The following CGREF1 variants were observed in gnomAD, a reference collection of about 807,000 sequenced individuals.
CGREF1 encodes the protein cell growth regulator with EF-hand domain 1.
A neutral mutation model predicts 17.4 loss-of-function variants in CGREF1; 16 were observed. The observed-to-expected ratio is 0.92, with a 90% CI of 0.62 to 1.40. The LOEUF (loss-of-function observed/expected upper bound fraction) is 1.40, where lower values mean the gene tolerates loss of function less well. Ranked by LOEUF, CGREF1 falls within the 40% of genes most tolerant of loss-of-function variation. The probability of loss-of-function intolerance (pLI) is 0.00; values close to 1 mark genes in which losing one functional copy is unlikely to be tolerated. For missense variants in CGREF1, 296 were observed against 376.4 expected, an observed-to-expected ratio of 0.79 and a Z score of 1.77; for synonymous variants, 142 against 154.6, an observed-to-expected ratio of 0.92 and a Z score of 0.61.
At chr2:27,115,810 C>T (rs1296723635) in intron 1 of CGREF1, among the ~76,000 whole-genome samples, 1 of 152,340 alleles carries the variant, frequency 6.6e-6, no homozygotes, top group East Asian at 1.9e-4. Flanking sequence ...TCCTAAAATA[C>T]TTTCCACTTT....
downstream of CGREF1, chr2:27,100,303 G>A (rs897384884): frequency 4.2e-5 from 24 of 570,350 alleles, no homozygotes; most frequent in African/African-American, 4.6e-4. Flanking sequence ...GGGCAGGGGT[G>A]CGCCTCCTCT....
intron 1 of CGREF1, among the ~76,000 whole-genome samples, chr2:27,109,386 A>AT (rs1491441733): frequency 6.7e-6 from 1 of 150,026 alleles, no homozygotes; most frequent in Non-Finnish European, 1.5e-5. Flanking sequence ...AAAAAAAAAA[A>AT]GGGTTTGAAA....
At chr2:27,114,803 C>T (rs1484102991) in intron 1 of CGREF1, among the ~76,000 whole-genome samples, 1 of 152,182 alleles carries the variant, frequency 6.6e-6, no homozygotes, top group Non-Finnish European at 1.5e-5. Flanking sequence ...TAATTCTAAC[C>T]CCCAGCCTCT....
At chr2:27,100,028 C>A (rs558568942), downstream of CGREF1, 4 of 659,248 alleles carry the variant, frequency 6.1e-6, no homozygotes, top group Non-Finnish European at 1.1e-5. Context: ...TCTGACTCTT[C>A]GATCCTCCCT....
At chr2:27,104,029 G>A (rs1373715776) in intron 2 of CGREF1, among the ~76,000 whole-genome samples, 18 of 152,048 alleles carry the variant, frequency 1.2e-4, no homozygotes, top group Admixed American at 9.2e-4. Flanking sequence ...CTTCTCTGGC[G>A]CCACAGCTTC....
chr2:27,104,127 C>T (rs555984093), intron 2 of CGREF1, among the ~76,000 whole-genome samples, 160 bp downstream of exon 2: 1 of 152,302 alleles, frequency 6.6e-6, no homozygotes, highest in Non-Finnish European at 1.5e-5. Context: ...CTTTGTGGCA[C>T]TCTGACAGGC....
Position 27,107,933 on chromosome 2 carries a change from C to CAAA in CGREF1, c.-11-3559_-11-3557dup, listed in dbSNP as rs143132359. On this transcript the variant is annotated intron_variant, in intron 1 of 5. Coordinates refer to ENST00000402394, the MANE Select transcript of CGREF1 (RefSeq NM_006569.6). ...TGGGCCACAGAGCGAGACTCTGTCT[C>CAAA]AAAAAAAAAAAAAAAAAGAAAGAAA... Among the ~76,000 whole-genome samples, 31 of 95,782 alleles carry CAAA rather than the reference C, an allele frequency of 3.2e-4. 1 individual carries two copies. Among genetic ancestry groups the CAAA allele is most frequent in the African/African-American group, 4.0e-4 (10 of 25,028 alleles). 62.8% of individuals were successfully genotyped at this position (95,782 alleles called of 152,430 possible).
Position 27,100,688 on chromosome 2 carries a change from C to G in CGREF1, c.*586G>C, listed in dbSNP as rs1310289302. ...AATTTCTTCATCTGTCAAATGGAAC[C>G]AATTCTGCTTGGCTACAGAATTATT... is the stretch of plus-strand genomic sequence containing the variant. On this transcript the variant is annotated 3_prime_UTR_variant, in exon 6 of 6. Transcript: ENST00000402394. The G allele has an allele frequency of 1.8e-6, 2 of 1,086,358 alleles. No individual in the cohort carries two copies. Among genetic ancestry groups the G allele is most frequent in the East Asian group, 6.0e-5 (1 of 16,650 alleles). 67.3% of individuals were successfully genotyped at this position (1,086,358 alleles called of 1,614,324 possible).
In CGREF1 at chr2:27,100,959, C is replaced by A; in HGVS notation, c.*315G>T. On this transcript the variant is annotated 3_prime_UTR_variant, in exon 6 of 6. Transcript: ENST00000402394. Reference sequence around the variant, plus strand: ...TGGCTAGCACCATGCGCTCTGCTGCCGGAGCACCGTGAGGCCCAGAAACAC... The same window carrying A: ...TGGCTAGCACCATGCGCTCTGCTGCAGGAGCACCGTGAGGCCCAGAAACAC... 8.7e-7 allele frequency: 1 copy of A among 1,152,418 alleles called. No individual in the cohort carries two copies. The highest frequency in any genetic ancestry group is 1.1e-6 in the Non-Finnish European group (1 of 936,072). The allele number at this position is 1,152,418 out of a possible 1,614,324, so 71.4% of individuals were successfully genotyped here.
chr2:27,099,604 G>A (rs750612355), downstream of CGREF1: 6 of 1,614,098 alleles, frequency 3.7e-6, no homozygotes, highest in Non-Finnish European at 5.1e-6. Flanking sequence ...GAGGGGAAAA[G>A]GACTGGGACC....
downstream of CGREF1, chr2:27,099,682 G>GCACTGAGATT: frequency 6.2e-7 from 1 of 1,614,186 alleles, no homozygotes; most frequent in Non-Finnish European, 8.5e-7. Context: ...CGTGCAGGAA[G>GCACTGAGATT]CACTGAGATT....
At chr2:27,100,064 C>A, downstream of CGREF1, 1 of 620,064 alleles carries the variant, frequency 1.6e-6, no homozygotes. Flanking sequence ...CCAAATTAAC[C>A]TCTCCGCCCA....
chr2:27,104,099 G>T (rs1295628227), intron 2 of CGREF1, among the ~76,000 whole-genome samples, 188 bp downstream of exon 2: 2 of 152,168 alleles, frequency 1.3e-5, no homozygotes, highest in African/African-American at 4.8e-5. Context: ...GGTCCAGCAA[G>T]CATGTACTGA....
intron 2 of CGREF1, 152 bp downstream of exon 2, chr2:27,104,135 G>A (rs1671023627): frequency 5.3e-6 from 4 of 760,004 alleles, no homozygotes; most frequent in Non-Finnish European, 8.0e-6. Flanking sequence ...CACTCTGACA[G>A]GCACAAGATG....
intron 1 of CGREF1, among the ~76,000 whole-genome samples, chr2:27,110,368 C>T (rs962174833): frequency 1.3e-5 from 2 of 151,806 alleles, no homozygotes; most frequent in Non-Finnish European, 2.9e-5. Flanking sequence ...TACCACTACA[C>T]TCCAGCCTCG....
downstream of CGREF1, chr2:27,099,883 G>C: frequency 3.2e-6 from 5 of 1,546,370 alleles, no homozygotes; most frequent in Non-Finnish European, 4.4e-6. Flanking sequence ...GACTCTGCCT[G>C]TGTCCTGTGT....
intron 1 of CGREF1, among the ~76,000 whole-genome samples, chr2:27,108,147 C>T (rs886803820): frequency 9.9e-5 from 15 of 151,806 alleles, no homozygotes; most frequent in African/African-American, 3.4e-4. Flanking sequence ...CCCAGCTACT[C>T]GGGAGGCTGA....
At chr2:27,111,185 G>A (rs945525770) in intron 1 of CGREF1, among the ~76,000 whole-genome samples, 3 of 152,154 alleles carry the variant, frequency 2.0e-5, no homozygotes, top group African/African-American at 7.2e-5. Flanking sequence ...TACAGAGAGC[G>A]GAGTGGTCTG....
At chr2:27,116,873 C>T (rs866507216) in intron 1 of CGREF1, among the ~76,000 whole-genome samples, 19 of 19,776 alleles carry the variant, frequency 9.6e-4, no homozygotes, top group African/African-American at 1.7e-3. Context: ...CAGGCCTATT[C>T]TCTCTCTCTC....
Sources: allele counts gnomAD v4.1 joint callset (sites outside exome capture counted in the v4.1 genomes callset), GRCh38; gene constraint gnomAD v4.1.1; transcripts MANE v1.5; gene names NCBI Gene and HGNC (gene_info 2026-07-23, HGNC 2026-07-21).